The following SENP5 variants were observed in gnomAD, a reference collection of about 807,000 sequenced individuals.
The protein encoded by SENP5 is sentrin-specific protease 5.
Under a neutral mutation model 74.2 loss-of-function variants are expected in SENP5, and 21 were observed. The observed-to-expected ratio is 0.28, with a 90% CI of 0.20 to 0.41. The LOEUF is 0.41. SENP5 is among the 10% of genes least tolerant of loss of function. The pLI is 1.00. For synonymous variants in SENP5, 311 were observed against 312.7 expected, an observed-to-expected ratio of 0.99 and a Z score of 0.06; for missense variants, 717 against 889.1, an observed-to-expected ratio of 0.81 and a Z score of 2.46.
In SENP5 at chr3:196,934,583, G is replaced by A. The variant is rs532737928; in HGVS notation, c.*3660G>A. 11 of 152,312 alleles carry A rather than the reference G, an allele frequency of 7.2e-5. No individual in the cohort carries two copies. Among genetic ancestry groups the A allele is most frequent in the African/African-American group, 2.4e-4 (10 of 41,550 alleles). The allele number at this position is 152,312 out of a possible 1,614,324, so 9.4% of individuals were successfully genotyped here. ...GGGTGTTACAAAAGCAGACCTAGAC[G>A]AGCTGTTCACTTAACTGGTACCTGT... On this transcript the variant is annotated 3_prime_UTR_variant, in exon 10 of 10. Transcript: ENST00000323460.
chr3:196,885,695 G>A lies in SENP5; in HGVS notation c.514G>A (p.Gly172Arg), dbSNP rs779533603. 3.1e-6 allele frequency: 5 copies of A among 1,614,178 alleles called. No individual in the cohort carries two copies. The Admixed American group carries it at 8.3e-5, about 27-fold the overall frequency. The stretch of plus-strand genomic sequence containing the variant: ...TTCTGACTTTCCCATGAAGTTCAAT[G>A]GGGAGAGCCAAAGTCCAGGTGAGAG... ...QPSDFPMKFNGESQSPGESGT... is the reference protein window; with the variant it reads ...QPSDFPMKFNRESQSPGESGT... The change falls in exon 2 of 10, where the codon GGG (glycine) becomes AGG (arginine). Residue 172 changes from glycine (G) to arginine (R), a missense_variant. Around this residue, in one of 4 missense-constraint regions of SENP5, gnomAD observed 567 missense variants for 577.4 expected, o/e 0.98. Coordinates refer to ENST00000323460, the MANE Select transcript of SENP5 (RefSeq NM_152699.5).
intron 1 of SENP5, among the ~76,000 whole-genome samples, chr3:196,884,020 G>A (rs941249428): frequency 3.3e-5 from 5 of 152,160 alleles, no homozygotes; most frequent in Non-Finnish European, 5.9e-5. Flanking sequence ...AATGAAGGAC[G>A]GGGAAGGGAG....
chr3:196,886,299 A>G lies in SENP5; in HGVS notation c.1118A>G (p.His373Arg). The change falls in exon 2 of 10, where the codon CAT (histidine) becomes CGT (arginine). Residue 373 changes from histidine (H) to arginine (R), a missense_variant. By Grantham distance (29) the His-to-Arg change is conservative. Around this residue, in one of 4 missense-constraint regions of SENP5, gnomAD observed 567 missense variants for 577.4 expected, o/e 0.98. Coordinates refer to ENST00000323460, the MANE Select transcript of SENP5 (RefSeq NM_152699.5). The stretch of plus-strand genomic sequence containing the variant: ...AAGTGGGAGTGTACAGAGCTGATTC[A>G]TGACATCCCCTTACCAGAACATCGT... ...SPKWECTELIHDIPLPEHRSN... is the reference protein window; with the variant it reads ...SPKWECTELIRDIPLPEHRSN... 1 of 1,614,118 alleles carries G rather than the reference A, an allele frequency of 6.2e-7. No homozygotes were observed. The highest frequency in any genetic ancestry group is 8.5e-7 in the Non-Finnish European group (1 of 1,180,002).
rs921181869 is a variant in SENP5 at position 196,931,571 on chromosome 3, G to A, written c.*648G>A. 3 of 256,176 alleles carry A rather than the reference G, an allele frequency of 1.2e-5. No homozygotes were observed. Among genetic ancestry groups the A allele is most frequent in the African/African-American group, 4.7e-5 (2 of 42,544 alleles). The allele number at this position is 256,176 out of a possible 1,614,324, so 15.9% of individuals were successfully genotyped here. A position where few individuals can be genotyped will look rare whatever the true frequency, so the allele number is the denominator to read the frequency against. On this transcript the variant is annotated 3_prime_UTR_variant, in exon 10 of 10. Coordinates refer to ENST00000323460, the MANE Select transcript of SENP5 (RefSeq NM_152699.5). ...CAGTGGCTGCTTTGGGAGGAGTAAG[G>A]TGTGAGAAAAAGCAACCTTGGAGGC...
intron 6 of SENP5, among the ~76,000 whole-genome samples, chr3:196,919,657 G>T (rs952882061): frequency 6.6e-6 from 1 of 152,136 alleles, no homozygotes; most frequent in Non-Finnish European, 1.5e-5. Context: ...GCTGGGTGTG[G>T]TGGAGCATGC....
intron 1 of SENP5, among the ~76,000 whole-genome samples, chr3:196,880,434 A>C (rs1713672920): frequency 2.6e-5 from 4 of 152,160 alleles, no homozygotes; most frequent in Admixed American, 2.6e-4. Flanking sequence ...ATTAACGTTG[A>C]GAGAATACTG....
chr3:196,934,634 GA>G lies in SENP5; in HGVS notation c.*3712del, dbSNP rs1359082785. On this transcript the variant is annotated 3_prime_UTR_variant, in exon 10 of 10. Transcript: ENST00000323460. ...TGGTCAGAAAAAGAATTTATTTAGA[GA>G]TTATGATCATGTAAAATTACAGTAC... 6.6e-6 allele frequency: 1 copy of G among 152,202 alleles called. No homozygotes were observed. The highest frequency in any genetic ancestry group is 2.4e-5 in the African/African-American group (1 of 41,450). 9.4% of individuals were successfully genotyped at this position (152,202 alleles called of 1,614,324 possible).
At chr3:196,918,189 C>G (rs891863473) in intron 6 of SENP5, among the ~76,000 whole-genome samples, 1 of 151,726 alleles carries the variant, frequency 6.6e-6, no homozygotes, top group Non-Finnish European at 1.5e-5. Context: ...CGCCTGTAGT[C>G]CCAGCTACTC....
chr3:196,902,945 C>A (rs533782159), intron 5 of SENP5, among the ~76,000 whole-genome samples: 2 of 152,166 alleles, frequency 1.3e-5, no homozygotes, highest in South Asian at 4.1e-4. Context: ...TTTTTCATAG[C>A]CTCTTTCAGC....
intron 1 of SENP5, among the ~76,000 whole-genome samples, chr3:196,878,477 C>T (rs529406500): frequency 6.6e-6 from 1 of 152,214 alleles, no homozygotes; most frequent in East Asian, 1.9e-4. Context: ...AGCTTTTTTT[C>T]CTGACATAGT....
chr3:196,925,663 G>T (rs1715785177), intron 7 of SENP5, among the ~76,000 whole-genome samples: 1 of 152,220 alleles, frequency 6.6e-6, no homozygotes, highest in African/African-American at 2.4e-5. Flanking sequence ...TGGAGTGAAT[G>T]ATGGTTAAAC....
chr3:196,868,967 C>T (rs1713077614), intron 1 of SENP5, among the ~76,000 whole-genome samples: 1 of 151,684 alleles, frequency 6.6e-6, no homozygotes, highest in South Asian at 2.1e-4. Context: ...GTGGTCAGAG[C>T]CTAACTGCAG....
intron 6 of SENP5, chr3:196,914,692 CAGA>C (rs1715301008): frequency 6.9e-6 from 1 of 145,176 alleles, no homozygotes; most frequent in Non-Finnish European, 1.5e-5. Context: ...AGCAAGATGG[CAGA>C]ATAGTACCCT....
intron 5 of SENP5, among the ~76,000 whole-genome samples, chr3:196,901,049 C>CTTT (rs202049526): frequency 2.8e-5 from 3 of 107,538 alleles, no homozygotes; most frequent in Admixed American, 1.9e-4. Context: ...ATTTATTTTA[C>CTTT]TTTTTTTTTT....
At chr3:196,914,586 A>AAAAAAATATATATATATATATAT in intron 6 of SENP5, 2 of 33,502 alleles carry the variant, frequency 6.0e-5, no homozygotes, top group Admixed American at 3.1e-4. Context: ...AAAAAAAAAA[A>AAAAAAATATATATATATATATAT]ATATATATAT....
intron 1 of SENP5, among the ~76,000 whole-genome samples, chr3:196,874,926 A>G (rs1002593334): frequency 3.3e-5 from 5 of 151,514 alleles, no homozygotes; most frequent in Non-Finnish European, 7.4e-5. Context: ...ACATTCTCTC[A>G]TTCTCTTCTA....
intron 7 of SENP5, among the ~76,000 whole-genome samples, chr3:196,927,375 G>A (rs894684043): frequency 2.6e-5 from 4 of 152,174 alleles, no homozygotes; most frequent in South Asian, 2.1e-4. Flanking sequence ...CTCATAAAAC[G>A]TTCTGATTAC....
chr3:196,890,880 A>G (rs1032069413), intron 2 of SENP5, among the ~76,000 whole-genome samples: 1 of 152,096 alleles, frequency 6.6e-6, no homozygotes, highest in Non-Finnish European at 1.5e-5. Context: ...CATCCAAGAG[A>G]AATAACTTGG....
chr3:196,900,116 TA>T, intron 4 of SENP5, 54 bp downstream of exon 4: 1 of 1,571,168 alleles, frequency 6.4e-7, no homozygotes, highest in Non-Finnish European at 8.6e-7. Context: ...TGTTAGTCAA[TA>T]AAATATAATC....
Sources: allele counts gnomAD v4.1 joint callset (sites outside exome capture counted in the v4.1 genomes callset), GRCh38; gene constraint gnomAD v4.1.1; regional missense constraint gnomAD v4.1.1; transcripts MANE v1.5; gene names NCBI Gene and HGNC (gene_info 2026-07-23, HGNC 2026-07-21).